The following ARB2A variants were observed in gnomAD, a reference collection of about 807,000 sequenced individuals.
ARB2A encodes the protein cotranscriptional regulator ARB2A.
At chr5:93,843,417 CT>C in the ARB2A span, among the ~76,000 whole-genome samples, 17,615 of 120,560 alleles carry the variant, frequency 0.15, 542 homozygotes, top group South Asian at 0.27. Flanking sequence ...AACAAGGATA[CT>C]TTTTTTTTTT....
At chr5:93,990,325 T>C in the ARB2A span, among the ~76,000 whole-genome samples, 1 of 152,014 alleles carries the variant, frequency 6.6e-6, no homozygotes, top group Non-Finnish European at 1.5e-5. Flanking sequence ...CTCTTTATAT[T>C]TTTTCAAAAG....
chr5:93,872,582 C>T, the ARB2A span, among the ~76,000 whole-genome samples: 2 of 152,098 alleles, frequency 1.3e-5, no homozygotes, highest in African/African-American at 4.8e-5. Context: ...TCATTATTGG[C>T]TTGTTTTACC....
At chr5:93,751,729 G>A in the ARB2A span, among the ~76,000 whole-genome samples, 9 of 152,116 alleles carry the variant, frequency 5.9e-5, no homozygotes, top group Non-Finnish European at 1.2e-4. Context: ...CCTCTAGAAA[G>A]CAATGCAGTT....
chr5:93,986,645 G>A, the ARB2A span, among the ~76,000 whole-genome samples: 2 of 152,186 alleles, frequency 1.3e-5, no homozygotes, highest in Non-Finnish European at 2.9e-5. Context: ...AGTAGACATA[G>A]GAGACTCCAT....
At chr5:94,109,948 G>A in the ARB2A span, among the ~76,000 whole-genome samples, 1 of 137,428 alleles carries the variant, frequency 7.3e-6, no homozygotes, top group Admixed American at 7.7e-5. Flanking sequence ...GCAGTGGCAT[G>A]ATGTCGGCTC....
chr5:93,810,555 A>G, the ARB2A span, among the ~76,000 whole-genome samples: 1 of 152,000 alleles, frequency 6.6e-6, no homozygotes, highest in African/African-American at 2.4e-5. Context: ...GGCATGCATC[A>G]TAATATCCAG....
chr5:93,740,702 C>T, the ARB2A span: 2 of 1,613,770 alleles, frequency 1.2e-6, no homozygotes. Flanking sequence ...CACACTGGTG[C>T]TCCTGGGCAA....
chr5:93,798,713 C>T, the ARB2A span, among the ~76,000 whole-genome samples: 1 of 152,124 alleles, frequency 6.6e-6, no homozygotes, highest in Non-Finnish European at 1.5e-5. Flanking sequence ...TCTAGTGTGA[C>T]ATGGGATAAC....
chr5:93,878,042 T>C, the ARB2A span, among the ~76,000 whole-genome samples: 3 of 152,180 alleles, frequency 2.0e-5, no homozygotes, highest in Non-Finnish European at 2.9e-5. Flanking sequence ...GATGAAAATA[T>C]ATAGTTCAAG....
the ARB2A span, among the ~76,000 whole-genome samples, chr5:94,041,895 T>C: frequency 1.8e-4 from 27 of 151,914 alleles, 1 homozygote; most frequent in South Asian, 3.1e-3. Context: ...TCTCCACATC[T>C]AGCACATAAT....
the ARB2A span, among the ~76,000 whole-genome samples, chr5:93,986,416 T>C: frequency 5.4e-3 from 791 of 147,354 alleles, 31 homozygotes; most frequent in Admixed American, 0.049. Flanking sequence ...GGGGCGCCTC[T>C]GCCCGGCTGC....
chr5:94,087,832 A>T, the ARB2A span, among the ~76,000 whole-genome samples: 1 of 152,220 alleles, frequency 6.6e-6, no homozygotes, highest in Non-Finnish European at 1.5e-5. Flanking sequence ...GCATAGTAAC[A>T]TGTCATATAG....
the ARB2A span, among the ~76,000 whole-genome samples, chr5:93,932,664 A>G: frequency 6.6e-6 from 1 of 152,188 alleles, no homozygotes; most frequent in East Asian, 1.9e-4. Flanking sequence ...ACATAATTGG[A>G]ACTGTTTTTC....
chr5:93,634,899 C>G, the ARB2A span, among the ~76,000 whole-genome samples: 1 of 152,034 alleles, frequency 6.6e-6, no homozygotes, highest in South Asian at 2.1e-4. Flanking sequence ...ATCAGCCTCC[C>G]GAGTAGCTGG....
At chr5:94,046,410 T>C in the ARB2A span, among the ~76,000 whole-genome samples, 3 of 150,362 alleles carry the variant, frequency 2.0e-5, no homozygotes, top group Non-Finnish European at 4.4e-5. Flanking sequence ...GTATACCCCA[T>C]GGAACTCTCA....
the ARB2A span, among the ~76,000 whole-genome samples, chr5:93,672,541 C>T: frequency 1.3e-5 from 2 of 152,024 alleles, no homozygotes; most frequent in Non-Finnish European, 2.9e-5. Context: ...ATCTCCTGAC[C>T]TTGTGATCCA....
chr5:93,821,760 C>CA, the ARB2A span, among the ~76,000 whole-genome samples: 1 of 151,832 alleles, frequency 6.6e-6, no homozygotes, highest in Non-Finnish European at 1.5e-5. Flanking sequence ...TCAAATTTGT[C>CA]AAAAAATAAT....
At chr5:93,727,841 A>G in the ARB2A span, among the ~76,000 whole-genome samples, 2 of 152,112 alleles carry the variant, frequency 1.3e-5, no homozygotes, top group African/African-American at 4.8e-5. Flanking sequence ...TGTCACTTGT[A>G]TTTAAAAACA....
the ARB2A span, among the ~76,000 whole-genome samples, chr5:93,665,888 T>G: frequency 1.3e-5 from 2 of 152,228 alleles, no homozygotes; most frequent in African/African-American, 4.8e-5. Context: ...CAACTTTCTC[T>G]GCAGCATAGG....
Sources: gnomAD v4.1 joint callset for allele counts (sites outside exome capture counted in the v4.1 genomes callset) on GRCh38, gnomAD v4.1.1 for gene constraint, MANE v1.5 for transcripts, NCBI Gene and HGNC (gene_info 2026-07-23, HGNC 2026-07-21) for gene names.